SYT1: variants seen among roughly 807,000 people sequenced by gnomAD.
SYT1 encodes synaptotagmin 1, also known as synaptotagmin-1.
A neutral mutation model predicts 44.8 loss-of-function variants in SYT1; 8 were observed. That is an observed-to-expected ratio of 0.18 (90% CI 0.10 to 0.32). SYT1 has a LOEUF of 0.32. Ranked by LOEUF, SYT1 falls within the 10% of genes least tolerant of loss-of-function variation. The probability of loss-of-function intolerance (pLI) is 1.00; values close to 1 mark genes in which losing one functional copy is unlikely to be tolerated. For missense variants in SYT1, 286 were observed against 509.3 expected (o/e 0.56, Z 4.22); for synonymous variants, 154 against 188.8 (o/e 0.82, Z 1.51).
At chr12:79,103,983 C>T (rs1304502295) in intron 3 of SYT1, among the ~76,000 whole-genome samples, 1 of 152,052 alleles carries the variant, frequency 6.6e-6, no homozygotes, top group African/African-American at 2.4e-5. Context: ...AAATTGAATG[C>T]TCCCACAGTG....
At chr12:78,974,406 C>T (rs1002709013) in intron 1 of SYT1, among the ~76,000 whole-genome samples, 2 of 151,520 alleles carry the variant, frequency 1.3e-5, no homozygotes, top group African/African-American at 4.8e-5. Context: ...TCAGGTCTTC[C>T]GAAAATTATT....
rs1205217031 is a variant in SYT1 at position 78,889,423 on chromosome 12, A to G, written c.-217+24314A>G. On this transcript the variant is annotated intron_variant, in intron 1 of 10. Coordinates refer to ENST00000261205, the MANE Select transcript of SYT1 (RefSeq NM_005639.3). The stretch of plus-strand genomic sequence containing the variant: ...TTGTAATATAAATGAAGCTGACACC[A>G]TAAATGACAGTATAAAAATAAAGGT... Among the ~76,000 whole-genome samples, 2 of 152,040 alleles carry G rather than the reference A, an allele frequency of 1.3e-5. 1 individual carries two copies. The highest frequency in any genetic ancestry group is 2.9e-5 in the Non-Finnish European group (2 of 67,970).
chr12:79,327,333 T>C (rs1881651047), intron 8 of SYT1, among the ~76,000 whole-genome samples: 1 of 152,200 alleles, frequency 6.6e-6, no homozygotes, highest in Non-Finnish European at 1.5e-5. Context: ...TATGAAAGCA[T>C]TGTTATCCTC....
At chr12:79,257,857 CT>C (rs1271643539) in intron 4 of SYT1, among the ~76,000 whole-genome samples, 1 of 152,074 alleles carries the variant, frequency 6.6e-6, no homozygotes, top group African/African-American at 2.4e-5. Flanking sequence ...TCCACATCCC[CT>C]TTGATATACT....
At chr12:79,136,181 TTAG>T (rs767736523) in intron 3 of SYT1, among the ~76,000 whole-genome samples, 12 of 152,224 alleles carry the variant, frequency 7.9e-5, no homozygotes, top group Non-Finnish European at 1.3e-4. Context: ...ACCATTCCAG[TTAG>T]TAGAATAGAC....
At chr12:78,930,001 G>A (rs1877547237) in intron 1 of SYT1, among the ~76,000 whole-genome samples, 1 of 152,124 alleles carries the variant, frequency 6.6e-6, no homozygotes. Flanking sequence ...TGAGATCTAA[G>A]AGGACAGAGG....
intron 3 of SYT1, among the ~76,000 whole-genome samples, chr12:79,130,626 G>A (rs1406824607): frequency 6.6e-6 from 1 of 152,150 alleles, no homozygotes; most frequent in African/African-American, 2.4e-5. Context: ...GGATTTCTCA[G>A]TTCTAACTTC....
At chr12:79,141,773 C>T (rs1319101321) in intron 3 of SYT1, among the ~76,000 whole-genome samples, 1 of 152,142 alleles carries the variant, frequency 6.6e-6, no homozygotes, top group Non-Finnish European at 1.5e-5. Context: ...ATATTCATTG[C>T]TTCTAATGCT....
chr12:79,164,138 T>A (rs568891667), intron 3 of SYT1, among the ~76,000 whole-genome samples: 7 of 152,116 alleles, frequency 4.6e-5, no homozygotes, highest in Non-Finnish European at 8.8e-5. Flanking sequence ...GTAAGCATGG[T>A]ATTATCGTAG....
At chr12:78,902,273 T>C (rs1875710542) in intron 1 of SYT1, among the ~76,000 whole-genome samples, 1 of 151,956 alleles carries the variant, frequency 6.6e-6, no homozygotes, top group Non-Finnish European at 1.5e-5. Context: ...TGATCTTATG[T>C]GTGTAACTAT....
intron 2 of SYT1, among the ~76,000 whole-genome samples, chr12:79,012,490 C>T (rs553772874): frequency 6.6e-6 from 1 of 152,256 alleles, no homozygotes; most frequent in East Asian, 1.9e-4. Context: ...ATACAAAAGG[C>T]AAACACTTCT....
chr12:79,150,681 A>G (rs1290942281), intron 3 of SYT1, among the ~76,000 whole-genome samples: 2 of 152,202 alleles, frequency 1.3e-5, no homozygotes, highest in African/African-American at 4.8e-5. Flanking sequence ...CAGAGGTGAG[A>G]AAGAGCACAG....
Position 79,396,686 on chromosome 12 carries a change from A to G in SYT1, c.928+43067A>G, listed in dbSNP as rs147090234. 1.1e-4 allele frequency among the ~76,000 whole-genome samples: 17 copies of G among 152,290 alleles called. No homozygotes were observed. In the East Asian group the frequency reaches 3.3e-3, roughly 29 times the overall value. ...AAGTGGAGAAAACTGTGACTCAAAT[A>G]CTTTGTGTGACTTGATTGAAGGATG... On this transcript the variant is annotated intron_variant, in intron 9 of 10. Coordinates refer to ENST00000261205, the MANE Select transcript of SYT1 (RefSeq NM_005639.3).
intron 3 of SYT1, among the ~76,000 whole-genome samples, chr12:79,106,806 CT>C (rs537615781): frequency 3.1e-4 from 47 of 152,032 alleles, no homozygotes; most frequent in Admixed American, 1.3e-3. Context: ...AGAAATGCAT[CT>C]TAAGTGAGGG....
intron 3 of SYT1, among the ~76,000 whole-genome samples, chr12:79,148,686 A>G (rs1014474519): frequency 2.0e-5 from 3 of 152,210 alleles, no homozygotes; most frequent in Non-Finnish European, 4.4e-5. Flanking sequence ...TATTGTAAAT[A>G]ATGCACTATA....
rs1203341300 is a variant in SYT1 at position 79,451,829 on chromosome 12, C to CAT, written c.*2708_*2709dup. 2.6e-5 allele frequency: 4 copies of CAT among 152,130 alleles called. No homozygotes were observed. Among genetic ancestry groups the CAT allele is most frequent in the Non-Finnish European group, 5.9e-5 (4 of 68,032 alleles). 9.4% of individuals were successfully genotyped at this position (152,130 alleles called of 1,614,324 possible). On this transcript the variant is annotated 3_prime_UTR_variant, in exon 11 of 11. Coordinates refer to ENST00000261205, the MANE Select transcript of SYT1 (RefSeq NM_005639.3). ...GAAATGTTGGGGTGTTTTCCTCTGC[C>CAT]ATATGGCTCGTGGCCTGCGAGCCAA... is the stretch of plus-strand genomic sequence containing the variant.
chr12:79,419,220 T>C (rs1433342938), intron 9 of SYT1: 1 of 515,136 alleles, frequency 1.9e-6, no homozygotes, highest in African/African-American at 1.9e-5. Flanking sequence ...CACACAGTTG[T>C]TGAGAAATTG....
chr12:79,066,242 C>G (rs1284616124), intron 3 of SYT1, among the ~76,000 whole-genome samples: 1 of 152,094 alleles, frequency 6.6e-6, no homozygotes, highest in East Asian at 1.9e-4. Flanking sequence ...TTACCAGAAG[C>G]AGGGTAAACA....
intron 4 of SYT1, among the ~76,000 whole-genome samples, chr12:79,273,833 C>T (rs930885704): frequency 1.3e-4 from 20 of 152,338 alleles, no homozygotes; most frequent in African/African-American, 4.8e-4. Flanking sequence ...CGCCTGTAAT[C>T]CCAGCACTTT....
Sources: gnomAD v4.1 joint callset for allele counts (sites outside exome capture counted in the v4.1 genomes callset) on GRCh38, gnomAD v4.1.1 for gene constraint, MANE v1.5 for transcripts, NCBI Gene and HGNC (gene_info 2026-07-23, HGNC 2026-07-21) for gene names.